Variants in NSMCE2 observed in about 807,000 individuals in gnomAD.
NSMCE2 encodes NSE2 SUMO ligase component of SMC5/6 complex.
In NSMCE2, 24 loss-of-function variants were observed where a neutral mutation model predicts 23.8. That is an observed-to-expected ratio of 1.01 (90% CI 0.73 to 1.42). The LOEUF is 1.42. Ranked by LOEUF, NSMCE2 falls within the 40% of genes most tolerant of loss-of-function variation. The pLI, the probability that NSMCE2 is intolerant of heterozygous loss-of-function variation, is 0.00. For synonymous variants in NSMCE2, 92 were observed against 94.1 expected (o/e 0.98, Z 0.13); for missense variants, 284 against 296.5 (o/e 0.96, Z 0.31).
chr8:125,270,051 A>G (rs1827111755), intron 5 of NSMCE2, among the ~76,000 whole-genome samples: 1 of 152,332 alleles, frequency 6.6e-6, no homozygotes, highest in East Asian at 1.9e-4. Flanking sequence ...TGTAGTAGCA[A>G]TAAGCATAAG....
At chr8:125,182,060 T>G in intron 4 of NSMCE2, 43 bp from the exon 5 acceptor site, 1 of 1,423,870 alleles carries the variant, frequency 7.0e-7, no homozygotes, top group Non-Finnish European at 9.6e-7. Context: ...TTAACACTAT[T>G]ATTATTAACA....
chr8:125,357,150 T>A (rs1813315332), intron 5 of NSMCE2, 69 bp from the exon 6 acceptor site: 1 of 1,034,540 alleles, frequency 9.7e-7, no homozygotes, highest in Non-Finnish European at 1.5e-6. Flanking sequence ...TTCACCTCCC[T>A]TCCTTCCATT....
At chr8:125,296,392 ATT>A (rs11410793) in intron 5 of NSMCE2, among the ~76,000 whole-genome samples, 7 of 125,740 alleles carry the variant, frequency 5.6e-5, no homozygotes, top group Admixed American at 8.8e-5. Flanking sequence ...TGCCATGGTC[ATT>A]TTTTTTTTTT....
chr8:125,331,157 G>A (rs895149488), intron 5 of NSMCE2, among the ~76,000 whole-genome samples: 8 of 151,978 alleles, frequency 5.3e-5, no homozygotes, highest in Non-Finnish European at 8.8e-5. Context: ...AAAATTAGCC[G>A]GACTTGGTGG....
intron 4 of NSMCE2, among the ~76,000 whole-genome samples, chr8:125,179,584 A>G (rs1193822042): frequency 2.6e-5 from 4 of 152,240 alleles, no homozygotes; most frequent in South Asian, 2.1e-4. Context: ...TCTCTTTGCA[A>G]TGGATGGCCA....
intron 3 of NSMCE2, among the ~76,000 whole-genome samples, chr8:125,135,708 T>C (rs1396379646): frequency 1.3e-5 from 2 of 152,222 alleles, no homozygotes; most frequent in Non-Finnish European, 2.9e-5. Context: ...TTTGTCTGTT[T>C]AGTTGTCCAT....
rs1829952380 is a variant in NSMCE2, at chr8:125,333,397, C to T, written c.419-23822C>T. On this transcript the variant is annotated intron_variant, in intron 5 of 7. Coordinates refer to ENST00000287437, the MANE Select transcript of NSMCE2 (RefSeq NM_173685.4). ...AAGTTGCCCAGGTTGGTCTCGAACT[C>T]CTGGCCTCAAGTGATCCTCCTGCCT... Among the ~76,000 whole-genome samples the T allele has an allele frequency of 2.0e-5, 3 of 151,858 alleles. No individual in the cohort carries two copies. In the South Asian group the frequency reaches 6.2e-4, roughly 32 times the overall value.
At chr8:125,264,220 A>G (rs933586592) in intron 5 of NSMCE2, among the ~76,000 whole-genome samples, 1 of 152,180 alleles carries the variant, frequency 6.6e-6, no homozygotes, top group Non-Finnish European at 1.5e-5. Context: ...TGTGAATTTC[A>G]TTGACATTTC....
chr8:125,268,442 TAAC>T (rs956074202), intron 5 of NSMCE2, among the ~76,000 whole-genome samples: 17 of 151,944 alleles, frequency 1.1e-4, no homozygotes, highest in African/African-American at 3.1e-4. Context: ...ATCACTCCAT[TAAC>T]AACAACAACA....
chr8:125,282,964 T>G (rs1242479691), intron 5 of NSMCE2, among the ~76,000 whole-genome samples: 1 of 152,184 alleles, frequency 6.6e-6, no homozygotes, highest in Non-Finnish European at 1.5e-5. Context: ...CTAGCATAAT[T>G]GTTGAAAGAG....
chr8:125,174,354 T>C (rs768880570), intron 4 of NSMCE2, among the ~76,000 whole-genome samples: 7 of 152,200 alleles, frequency 4.6e-5, no homozygotes, highest in Non-Finnish European at 1.0e-4. Context: ...TAATGCATGT[T>C]TCTGTGAATT....
At chr8:125,284,605 A>G (rs1563763007) in intron 5 of NSMCE2, among the ~76,000 whole-genome samples, 1 of 152,216 alleles carries the variant, frequency 6.6e-6, no homozygotes, top group East Asian at 1.9e-4. Context: ...AGATTTGTTT[A>G]GGTATTTTTA....
At chr8:125,297,417 T>G (rs1440250492) in intron 5 of NSMCE2, among the ~76,000 whole-genome samples, 1 of 152,224 alleles carries the variant, frequency 6.6e-6, no homozygotes, top group Non-Finnish European at 1.5e-5. Flanking sequence ...GGCAGCTCAT[T>G]CCATTTTCAA....
At chr8:125,252,910 T>C (rs1826255570) in intron 5 of NSMCE2, among the ~76,000 whole-genome samples, 1 of 152,236 alleles carries the variant, frequency 6.6e-6, no homozygotes, top group Non-Finnish European at 1.5e-5. Context: ...AGCTGAGTCC[T>C]TTGGGTGAAA....
At chr8:125,330,150 A>G (rs1158920262) in intron 5 of NSMCE2, among the ~76,000 whole-genome samples, 2 of 150,844 alleles carry the variant, frequency 1.3e-5, no homozygotes, top group East Asian at 1.9e-4. Context: ...CTTGTTAGGG[A>G]AAAACAGAAC....
chr8:125,337,447 C>T (rs1027859446), intron 5 of NSMCE2, among the ~76,000 whole-genome samples: 1 of 152,192 alleles, frequency 6.6e-6, no homozygotes, highest in Non-Finnish European at 1.5e-5. Context: ...ATCTCTGTTG[C>T]TCAATTTACT....
At chr8:125,307,759 C>T (rs1170823391) in intron 5 of NSMCE2, among the ~76,000 whole-genome samples, 2 of 152,132 alleles carry the variant, frequency 1.3e-5, no homozygotes, top group Admixed American at 6.5e-5. Context: ...GTCGTTTGCT[C>T]CCTGGAGGAT....
chr8:125,151,811 G>T (rs1368697109), intron 4 of NSMCE2, among the ~76,000 whole-genome samples: 1 of 152,172 alleles, frequency 6.6e-6, no homozygotes, highest in Non-Finnish European at 1.5e-5. Context: ...AGGCAGTTAA[G>T]GTGGGAACAT....
At chr8:125,185,100 G>T (rs1823030939) in intron 5 of NSMCE2, among the ~76,000 whole-genome samples, 1 of 152,056 alleles carries the variant, frequency 6.6e-6, no homozygotes, top group African/African-American at 2.4e-5. Context: ...ACAAAATCAG[G>T]ATCTAATCAG....
Sources: gnomAD v4.1 joint callset for allele counts (sites outside exome capture counted in the v4.1 genomes callset) on GRCh38, gnomAD v4.1.1 for gene constraint, MANE v1.5 for transcripts, NCBI Gene and HGNC (gene_info 2026-07-23, HGNC 2026-07-21) for gene names.